EBF2: variants seen among roughly 807,000 people sequenced by gnomAD.
EBF2 encodes EBF transcription factor 2.
In EBF2, 21 loss-of-function variants were observed where a neutral mutation model predicts 72.8. That is an observed-to-expected ratio of 0.29 (90% CI 0.20 to 0.42). The LOEUF is 0.42. EBF2 is among the 10% of genes least tolerant of loss of function. The pLI is 1.00. For synonymous variants in EBF2, 299 were observed against 274.2 expected (o/e 1.09, Z -0.89); for missense variants, 637 against 731.2 (o/e 0.87, Z 1.49).
At chr8:25,911,324 C>T (rs543610763) in intron 6 of EBF2, among the ~76,000 whole-genome samples, 2 of 152,284 alleles carry the variant, frequency 1.3e-5, no homozygotes, top group South Asian at 4.1e-4. Flanking sequence ...AATATCATAA[C>T]CACGGTGCAT....
chr8:25,953,048 C>T (rs944362034), intron 6 of EBF2, among the ~76,000 whole-genome samples: 2 of 152,204 alleles, frequency 1.3e-5, no homozygotes, highest in African/African-American at 4.8e-5. Context: ...GATCAAGAAG[C>T]TCATCTCCAA....
chr8:26,044,537 C>T lies in EBF2; in HGVS notation c.131+192G>A, dbSNP rs1484738311. On this transcript the variant is annotated intron_variant, in intron 1 of 15. Coordinates refer to ENST00000520164, the MANE Select transcript of EBF2 (RefSeq NM_022659.4). The surrounding 1 kb of genome is among the most constrained non-coding windows in gnomAD (Gnocchi z 4.1). ...CCAGGCAGTTCAGGAACTCGAGTGC[C>T]GGCTGCCGGGTGAGCGTTCGCCTGA... Among the ~76,000 whole-genome samples the T allele has an allele frequency of 1.3e-5, 2 of 152,204 alleles. No individual in the cohort carries two copies. The highest frequency in any genetic ancestry group is 2.1e-4 in the South Asian group (1 of 4,828).
At chr8:25,898,304 C>T (rs1001661353) in intron 7 of EBF2, among the ~76,000 whole-genome samples, 25 of 152,134 alleles carry the variant, frequency 1.6e-4, no homozygotes, top group Non-Finnish European at 2.9e-4. Context: ...GATGATTATT[C>T]TGGCACCTAA....
At position 25,859,031 on chromosome 8, in the gene EBF2, A is replaced by C. The variant is rs113742426; in HGVS notation, c.1343-527T>G. The stretch of plus-strand genomic sequence containing the variant: ...GCCATGCCCTTGATACTCCATTCAA[A>C]CCTGCACTCAGCACCTCCAGCTTAC... On this transcript the variant is annotated intron_variant, in intron 13 of 15. Transcript: ENST00000520164. Among the ~76,000 whole-genome samples the C allele has an allele frequency of 8.7e-3, 1,329 of 152,116 alleles. 21 individuals are homozygous for C. Among genetic ancestry groups the C allele is most frequent in the African/African-American group, 0.031 (1,266 of 41,490 alleles).
intron 7 of EBF2, among the ~76,000 whole-genome samples, chr8:25,907,351 C>T (rs553308240): frequency 4.1e-5 from 5 of 122,548 alleles, no homozygotes; most frequent in Admixed American, 1.1e-4. Context: ...GCCCAGGAGG[C>T]GGAGTTTGCA....
At chr8:25,849,133 ATG>A (rs1052854285) in intron 15 of EBF2, among the ~76,000 whole-genome samples, 7 of 152,340 alleles carry the variant, frequency 4.6e-5, no homozygotes, top group Admixed American at 3.9e-4. Flanking sequence ...AAGTTTCCAG[ATG>A]TTTCCAACTA....
intron 6 of EBF2, among the ~76,000 whole-genome samples, chr8:25,963,424 A>G (rs924211376): frequency 6.6e-6 from 1 of 152,228 alleles, no homozygotes. Flanking sequence ...GAGTGCCAGC[A>G]GGTGCACAAT....
chr8:25,862,879 G>A (rs1052033193), intron 10 of EBF2, 82 bp from the exon 11 acceptor site: 67 of 1,006,650 alleles, frequency 6.7e-5, no homozygotes, highest in Non-Finnish European at 9.1e-5. Flanking sequence ...CAGGTAATAA[G>A]AAGGTTCTGG....
chr8:25,876,068 T>C (rs1802514509), intron 10 of EBF2, among the ~76,000 whole-genome samples: 1 of 152,216 alleles, frequency 6.6e-6, no homozygotes, highest in Non-Finnish European at 1.5e-5. Flanking sequence ...CACTGTGGAA[T>C]ACTATGCAGC....
intron 14 of EBF2, among the ~76,000 whole-genome samples, chr8:25,852,247 G>A (rs1273451453): frequency 6.6e-6 from 1 of 152,106 alleles, no homozygotes; most frequent in Non-Finnish European, 1.5e-5. Context: ...ATGAGGAGTG[G>A]GTCTTATTCA....
chr8:25,956,418 AATT>A (rs1319555883), intron 6 of EBF2, among the ~76,000 whole-genome samples: 1 of 152,012 alleles, frequency 6.6e-6, no homozygotes, highest in Non-Finnish European at 1.5e-5. Context: ...AAAAAAAAAA[AATT>A]ATTATTATTA....
At chr8:25,953,020 C>A (rs1803889679) in intron 6 of EBF2, among the ~76,000 whole-genome samples, 2 of 152,214 alleles carry the variant, frequency 1.3e-5, no homozygotes, top group Admixed American at 1.3e-4. Flanking sequence ...TTCACAGAGA[C>A]CATTTGGTCC....
chr8:25,975,756 G>A (rs771130780), intron 6 of EBF2, among the ~76,000 whole-genome samples: 2 of 152,096 alleles, frequency 1.3e-5, no homozygotes, highest in Non-Finnish European at 2.9e-5. Context: ...CATTTCTACA[G>A]TAACTCTACA....
At chr8:25,958,931 T>C (rs1310320205) in intron 6 of EBF2, among the ~76,000 whole-genome samples, 1 of 152,194 alleles carries the variant, frequency 6.6e-6, no homozygotes, top group Non-Finnish European at 1.5e-5. Context: ...GGAAGCTTTG[T>C]TTACCCAGCT....
At chr8:26,043,677 G>A (rs1805648967) in intron 1 of EBF2, among the ~76,000 whole-genome samples, 1 of 152,198 alleles carries the variant, frequency 6.6e-6, no homozygotes, top group Non-Finnish European at 1.5e-5. Flanking sequence ...GCTCTACCCG[G>A]GACACCTGGC....
chr8:25,860,687 G>A (rs990122348), intron 13 of EBF2, among the ~76,000 whole-genome samples: 2 of 145,838 alleles, frequency 1.4e-5, no homozygotes, highest in African/African-American at 5.6e-5. Context: ...ACCACACCTG[G>A]CTATTTTTTT....
intron 6 of EBF2, among the ~76,000 whole-genome samples, chr8:25,974,470 C>A (rs1804236236): frequency 6.6e-6 from 1 of 152,154 alleles, no homozygotes; most frequent in African/African-American, 2.4e-5. Flanking sequence ...AAACTTCTAT[C>A]CTTTTACCTG....
At chr8:25,910,757 C>G (rs1331581782) in intron 6 of EBF2, among the ~76,000 whole-genome samples, 1 of 151,930 alleles carries the variant, frequency 6.6e-6, no homozygotes, top group African/African-American at 2.4e-5. Context: ...CTACACAGCC[C>G]CGTGCACTCT....
chr8:25,957,727 G>A (rs536284645), intron 6 of EBF2, among the ~76,000 whole-genome samples: 65 of 152,312 alleles, frequency 4.3e-4, no homozygotes, highest in African/African-American at 1.4e-3. Flanking sequence ...TTAGCCGGGT[G>A]TGGTGGCACG....
Sources: allele counts gnomAD v4.1 joint callset (sites outside exome capture counted in the v4.1 genomes callset), GRCh38; gene constraint gnomAD v4.1.1; non-coding constraint Gnocchi (gnomAD v3.1); transcripts MANE v1.5; gene names NCBI Gene and HGNC (gene_info 2026-07-23, HGNC 2026-07-21).